PTPRG: variants seen among roughly 807,000 people sequenced by gnomAD.
PTPRG encodes the protein protein tyrosine phosphatase receptor type G, also known as receptor-type tyrosine-protein phosphatase gamma.
Under a neutral mutation model 165.3 loss-of-function variants are expected in PTPRG, and 102 were observed. That is an observed-to-expected ratio of 0.62 (90% CI 0.53 to 0.73). The LOEUF is 0.73. Ranked by LOEUF, PTPRG falls within the 30% of genes least tolerant of loss-of-function variation. The pLI, the probability that PTPRG is intolerant of heterozygous loss-of-function variation, is 0.00. For synonymous variants in PTPRG, 675 were observed against 669.5 expected (o/e 1.01, Z -0.13); for missense variants, 1,866 against 1,861.4 (o/e 1.00, Z -0.05).
At chr3:62,077,730 G>A (rs986231797) in intron 4 of PTPRG, among the ~76,000 whole-genome samples, 2 of 152,148 alleles carry the variant, frequency 1.3e-5, no homozygotes, top group Non-Finnish European at 2.9e-5. Context: ...AGGGCCGGGT[G>A]TGGTGGCTCA....
At chr3:62,197,947 C>T (rs872211) in intron 10 of PTPRG, among the ~76,000 whole-genome samples, 16,096 of 152,042 alleles carry the variant, frequency 0.11, 1,774 homozygotes, top group African/African-American at 0.28. Flanking sequence ...GCATTTATCC[C>T]TCTATGTTGA....
At chr3:62,103,877 A>T (rs1040333074) in intron 5 of PTPRG, among the ~76,000 whole-genome samples, 1 of 152,194 alleles carries the variant, frequency 6.6e-6, no homozygotes, top group African/African-American at 2.4e-5. Context: ...CAAACCTTTA[A>T]GCAACTTGCA....
intron 2 of PTPRG, among the ~76,000 whole-genome samples, chr3:61,874,187 A>T (rs1032637549): frequency 6.6e-6 from 1 of 152,060 alleles, no homozygotes; most frequent in African/African-American, 2.4e-5. Flanking sequence ...CCCTCCCCAG[A>T]CAGTATAATC....
At chr3:62,118,032 C>G (rs1702927796) in intron 5 of PTPRG, among the ~76,000 whole-genome samples, 1 of 152,124 alleles carries the variant, frequency 6.6e-6, no homozygotes, top group African/African-American at 2.4e-5. Flanking sequence ...TGTGGATTAT[C>G]TCATTGGTCT....
chr3:61,626,062 G>GT (rs1270535328), intron 1 of PTPRG, among the ~76,000 whole-genome samples: 6 of 150,106 alleles, frequency 4.0e-5, no homozygotes, highest in African/African-American at 1.5e-4. Context: ...GACATTATGT[G>GT]TTTGTAGGGG....
intron 2 of PTPRG, among the ~76,000 whole-genome samples, chr3:61,877,685 T>A (rs1056606718): frequency 2.6e-5 from 4 of 152,224 alleles, no homozygotes; most frequent in Non-Finnish European, 4.4e-5. Flanking sequence ...AAGCTTATGA[T>A]GCAATGAGAC....
At chr3:62,291,993 G>T (rs1460489702) in intron 28 of PTPRG, among the ~76,000 whole-genome samples, 1 of 151,836 alleles carries the variant, frequency 6.6e-6, no homozygotes, top group African/African-American at 2.4e-5. Context: ...TTCATATTCT[G>T]TAAGTTCAAT....
intron 2 of PTPRG, among the ~76,000 whole-genome samples, chr3:61,901,828 A>G (rs930122339): frequency 2.6e-5 from 4 of 152,200 alleles, no homozygotes; most frequent in Non-Finnish European, 5.9e-5. Flanking sequence ...TTTTTCCTTT[A>G]CTTTGTAACA....
intron 2 of PTPRG, among the ~76,000 whole-genome samples, chr3:61,882,783 C>T (rs950569863): frequency 3.3e-5 from 5 of 152,104 alleles, no homozygotes; most frequent in African/African-American, 4.8e-5. Flanking sequence ...CTGTATCATA[C>T]GTGTTTCTAA....
chr3:61,899,600 C>T (rs1487327957), intron 2 of PTPRG, among the ~76,000 whole-genome samples: 4 of 152,154 alleles, frequency 2.6e-5, no homozygotes, highest in African/African-American at 7.2e-5. Flanking sequence ...AAGGGTGAAC[C>T]TCCAGAAGAC....
chr3:61,766,092 G>A (rs2034006469), intron 2 of PTPRG, among the ~76,000 whole-genome samples: 1 of 152,126 alleles, frequency 6.6e-6, no homozygotes, highest in Admixed American at 6.6e-5. Flanking sequence ...AGGTCTACGA[G>A]GAGTTTGAAA....
chr3:61,983,723 A>G (rs1253737866), intron 2 of PTPRG, among the ~76,000 whole-genome samples: 3 of 152,178 alleles, frequency 2.0e-5, no homozygotes, highest in Admixed American at 6.5e-5. Context: ...ATGCTCATAC[A>G]ACTTTTATCT....
At chr3:61,990,517 C>G (rs2040858775) in intron 3 of PTPRG, among the ~76,000 whole-genome samples, 1 of 152,224 alleles carries the variant, frequency 6.6e-6, no homozygotes, top group Admixed American at 6.5e-5. Context: ...CTGCCTCCCT[C>G]TCAATTACTG....
At chr3:61,592,814 T>C (rs749594626) in intron 1 of PTPRG, among the ~76,000 whole-genome samples, 4 of 152,128 alleles carry the variant, frequency 2.6e-5, no homozygotes, top group African/African-American at 7.2e-5. Context: ...AAGACATCCA[T>C]TTTCCCCCAC....
At chr3:61,607,524 G>A (rs1701046434) in intron 1 of PTPRG, among the ~76,000 whole-genome samples, 1 of 152,168 alleles carries the variant, frequency 6.6e-6, no homozygotes, top group African/African-American at 2.4e-5. Context: ...CTTTCCCACA[G>A]AAAGGCAGCT....
intron 1 of PTPRG, among the ~76,000 whole-genome samples, chr3:61,684,806 G>C (rs1050669562): frequency 6.6e-6 from 1 of 152,186 alleles, no homozygotes; most frequent in Admixed American, 6.5e-5. Context: ...TTTTACAGTT[G>C]ACTGGGAAAG....
chr3:62,025,066 A>G (rs1487750253), intron 4 of PTPRG, among the ~76,000 whole-genome samples: 3 of 152,176 alleles, frequency 2.0e-5, no homozygotes, highest in African/African-American at 4.8e-5. Context: ...AGAGCTTTAT[A>G]TAATAGGCTG....
At chr3:61,830,761 A>G (rs540137514) in intron 2 of PTPRG, among the ~76,000 whole-genome samples, 32 of 151,710 alleles carry the variant, frequency 2.1e-4, no homozygotes, top group Admixed American at 4.6e-4. Context: ...TTTAGTAGAG[A>G]TGGGGATTCT....
chr3:62,101,026 CTCTT>C (rs1702273716), intron 5 of PTPRG, among the ~76,000 whole-genome samples: 4 of 152,274 alleles, frequency 2.6e-5, no homozygotes, highest in African/African-American at 9.6e-5. Flanking sequence ...TTTGAAGAAT[CTCTT>C]TCTTCTAGAA....
Sources: gnomAD v4.1 joint callset for allele counts (sites outside exome capture counted in the v4.1 genomes callset) on GRCh38, gnomAD v4.1.1 for gene constraint, MANE v1.5 for transcripts, NCBI Gene and HGNC (gene_info 2026-07-23, HGNC 2026-07-21) for gene names.